Variants in FAM81A observed in about 807,000 individuals in gnomAD.
FAM81A encodes protein FAM81A.
In FAM81A, 19 loss-of-function variants were observed where a neutral mutation model predicts 46.7. The ratio of observed to expected loss-of-function variants is 0.41; its 90% CI spans 0.28 to 0.60. The LOEUF (loss-of-function observed/expected upper bound fraction) is 0.60, where lower values mean the gene tolerates loss of function less well. FAM81A is among the 20% of genes least tolerant of loss of function. The probability of loss-of-function intolerance (pLI) is 0.34; values close to 1 mark genes in which losing one functional copy is unlikely to be tolerated. For synonymous variants in FAM81A, 183 were observed against 152.9 expected (o/e 1.20, Z -1.45); for missense variants, 377 against 453.5 (o/e 0.83, Z 1.53).
intron 4 of FAM81A, among the ~76,000 whole-genome samples, chr15:59,496,811 G>T (rs1250695803): frequency 6.6e-6 from 1 of 151,800 alleles, no homozygotes; most frequent in Non-Finnish European, 1.5e-5. Flanking sequence ...GCTGTTTTAG[G>T]TCCATTGTAT....
chr15:59,496,938 C>T (rs1193048434), intron 4 of FAM81A, among the ~76,000 whole-genome samples: 1 of 151,740 alleles, frequency 6.6e-6, no homozygotes, highest in Non-Finnish European at 1.5e-5. Flanking sequence ...TCAGCCTGGC[C>T]AACATGGTGA....
chr15:59,466,550 GTTGT>G (rs1460781949), intron 3 of FAM81A, among the ~76,000 whole-genome samples: 6 of 151,242 alleles, frequency 4.0e-5, no homozygotes, highest in Non-Finnish European at 8.8e-5. Flanking sequence ...TTTTGATGGG[GTTGT>G]TTGTTTTTTT....
In FAM81A at chr15:59,459,934, C is replaced by T; in HGVS notation, c.22C>T (p.Arg8Ter). MENMHLRRVRTMPRHSQS... is the reference protein window; with the variant it reads MENMHLR The stretch of plus-strand genomic sequence containing the variant: ...AACCCTCATGGTTCCCTTCTGCAGG[C>T]GAGTGAGAACCATGCCCCGACACAG... The change falls in exon 3 of 9, where the codon CGA becomes TGA. Residue 8 changes from arginine to a stop codon, truncating the protein, a stop_gained and splice_region_variant. Transcript: ENST00000288228. LOFTEE classifies it high-confidence loss of function. 2 of 1,592,946 alleles carry T rather than the reference C, an allele frequency of 1.3e-6. No homozygotes were observed. The highest frequency in any genetic ancestry group is 1.7e-6 in the Non-Finnish European group (2 of 1,167,308).
At position 59,474,535 on chromosome 15, in the gene FAM81A, C is replaced by A. The variant is rs560398381; in HGVS notation, c.294+14329C>A. On this transcript the variant is annotated intron_variant, in intron 3 of 8. Transcript: ENST00000288228. ...GGGCCCCAGTCCATTCAGGGTGGAGCCCTCATGACTTAATCACCTCCTGAA... is the reference window on the plus strand; with the variant it reads ...GGGCCCCAGTCCATTCAGGGTGGAGACCTCATGACTTAATCACCTCCTGAA... 2.0e-5 allele frequency among the ~76,000 whole-genome samples: 3 copies of A among 152,256 alleles called. No homozygotes were observed. The South Asian group carries it at 6.2e-4, about 32-fold the overall frequency.
intron 1 of FAM81A, chr15:59,444,971 C>T (rs1311238018): frequency 2.6e-5 from 4 of 152,130 alleles, no homozygotes; most frequent in African/African-American, 7.2e-5. Flanking sequence ...ACATAATTAC[C>T]TCTTTCTGGT....
At chr15:59,420,213 C>A (rs189012477) in intron 2 of FAM81A, among the ~76,000 whole-genome samples, 47 of 152,348 alleles carry the variant, frequency 3.1e-4, no homozygotes, top group Admixed American at 1.5e-3. Flanking sequence ...ACATCTCTTA[C>A]ATGCAGCTTC....
chr15:59,458,118 C>T (rs535745919), intron 1 of FAM81A, among the ~76,000 whole-genome samples: 9 of 152,196 alleles, frequency 5.9e-5, no homozygotes, highest in African/African-American at 2.2e-4. Flanking sequence ...CTTCATTTAC[C>T]ATGGAATTAG....
At chr15:59,407,345 A>AGTGCAGT (rs1401423208) in intron 2 of FAM81A, 1 of 125,214 alleles carries the variant, frequency 8.0e-6, no homozygotes, top group Non-Finnish European at 1.6e-5. Context: ...CCCAGGCTGG[A>AGTGCAGT]GTGCAGTGGC....
chr15:59,478,589 G>C (rs931495850), intron 3 of FAM81A, among the ~76,000 whole-genome samples: 2 of 152,182 alleles, frequency 1.3e-5, no homozygotes, highest in African/African-American at 4.8e-5. Flanking sequence ...GCAGCTCTGT[G>C]ATCTGGTTCT....
chr15:59,451,946 G>T (rs1205237509), intron 1 of FAM81A, among the ~76,000 whole-genome samples: 1 of 152,206 alleles, frequency 6.6e-6, no homozygotes, highest in Non-Finnish European at 1.5e-5. Flanking sequence ...GATTAGCTCT[G>T]ATGTGCCAAG....
chr15:59,503,365 T>C (rs1256461018), intron 4 of FAM81A, among the ~76,000 whole-genome samples: 3 of 85,848 alleles, frequency 3.5e-5, no homozygotes, highest in African/African-American at 1.9e-4. Flanking sequence ...GATAATAGTT[T>C]ATTATATACA....
At chr15:59,504,031 G>A (rs2082124118) in intron 4 of FAM81A, among the ~76,000 whole-genome samples, 1 of 152,168 alleles carries the variant, frequency 6.6e-6, no homozygotes, top group African/African-American at 2.4e-5. Flanking sequence ...AAACGGCTTT[G>A]TAAAGTTGAT....
chr15:59,512,906 G>A (rs1168101467), intron 6 of FAM81A, among the ~76,000 whole-genome samples: 1 of 152,174 alleles, frequency 6.6e-6, no homozygotes, highest in African/African-American at 2.4e-5. Flanking sequence ...GCTATATCTC[G>A]CTGCAAGGGA....
intron 2 of FAM81A, among the ~76,000 whole-genome samples, chr15:59,422,864 A>G (rs529592368): frequency 2.6e-5 from 4 of 152,196 alleles, no homozygotes; most frequent in Non-Finnish European, 5.9e-5. Flanking sequence ...GTTCATAAGA[A>G]ATTTCTGTCA....
chr15:59,415,095 C>T (rs1253163887), intron 2 of FAM81A, among the ~76,000 whole-genome samples: 4 of 150,470 alleles, frequency 2.7e-5, no homozygotes, highest in Non-Finnish European at 4.4e-5. Context: ...GGATTACAGG[C>T]GTGAGCCACC....
intron 2 of FAM81A, among the ~76,000 whole-genome samples, chr15:59,459,559 G>A (rs1006161009): frequency 4.6e-5 from 7 of 152,130 alleles, no homozygotes; most frequent in South Asian, 2.1e-4. Context: ...CCTGACCCAC[G>A]TAGGCATTGA....
intron 1 of FAM81A, chr15:59,440,094 A>C (rs576385545): frequency 6.6e-6 from 1 of 152,254 alleles, no homozygotes; most frequent in East Asian, 1.9e-4. Flanking sequence ...AAACCAATGC[A>C]CCATCACCAA....
At chr15:59,459,788 T>A (rs1254469572) in intron 2 of FAM81A, 145 bp from the exon 3 acceptor site, 7 of 1,239,504 alleles carry the variant, frequency 5.6e-6, no homozygotes, top group Non-Finnish European at 6.5e-6. Flanking sequence ...TGAAGAAAAC[T>A]TTTTTAGGCA....
chr15:59,417,698 G>C (rs1435680759), intron 2 of FAM81A, among the ~76,000 whole-genome samples: 3 of 152,146 alleles, frequency 2.0e-5, no homozygotes, highest in Non-Finnish European at 4.4e-5. Context: ...CTGGGCAACA[G>C]AGTGAGACTC....
Sources: gnomAD v4.1 joint callset for allele counts (sites outside exome capture counted in the v4.1 genomes callset) on GRCh38, gnomAD v4.1.1 for gene constraint, MANE v1.5 for transcripts, NCBI Gene and HGNC (gene_info 2026-07-23, HGNC 2026-07-21) for gene names.